The following ADAMTS9 variants were observed in gnomAD, a reference collection of about 807,000 sequenced individuals.
The protein encoded by ADAMTS9 is ADAM metallopeptidase with thrombospondin type 1 motif 9.
A neutral mutation model predicts 257.1 loss-of-function variants in ADAMTS9; 107 were observed. The observed-to-expected ratio is 0.42, with a 90% CI of 0.36 to 0.49. ADAMTS9 has a LOEUF of 0.49. ADAMTS9 is among the 20% of genes least tolerant of loss of function. The probability of loss-of-function intolerance (pLI) is 0.03; values close to 1 mark genes in which losing one functional copy is unlikely to be tolerated. For synonymous variants in ADAMTS9, 982 were observed against 880.9 expected, an observed-to-expected ratio of 1.11 and a Z score of -2.03; for missense variants, 2,353 against 2,469.1, an observed-to-expected ratio of 0.95 and a Z score of 1.00.
intron 2 of ADAMTS9, chr3:64,684,988 C>A (rs1211324636): frequency 6.6e-6 from 1 of 152,240 alleles, no homozygotes; most frequent in Non-Finnish European, 1.5e-5. Context: ...CTACCCGAGC[C>A]TTAACCTTTC....
chr3:64,656,263 C>T (rs977396386), intron 4 of ADAMTS9, among the ~76,000 whole-genome samples: 1 of 152,268 alleles, frequency 6.6e-6, no homozygotes, highest in Non-Finnish European at 1.5e-5. Context: ...TAATGTTTGC[C>T]ACCCATTGTG....
intron 2 of ADAMTS9, among the ~76,000 whole-genome samples, chr3:64,683,256 G>A (rs1032693588): frequency 2.6e-5 from 4 of 152,174 alleles, no homozygotes; most frequent in Admixed American, 6.5e-5. Context: ...ATTGGTAAAT[G>A]GGGAAACCAA....
At chr3:64,669,180 C>G (rs942790521) in intron 3 of ADAMTS9, among the ~76,000 whole-genome samples, 2 of 152,196 alleles carry the variant, frequency 1.3e-5, no homozygotes, top group Non-Finnish European at 2.9e-5. Context: ...TTGCTGTACA[C>G]TCAACTCTCG....
At chr3:64,522,488 T>C (rs1049556245) in intron 38 of ADAMTS9, 2 of 379,560 alleles carry the variant, frequency 5.3e-6, no homozygotes, top group Admixed American at 8.7e-5. Flanking sequence ...AGGATGATTT[T>C]TATATTTTTA....
At chr3:64,643,126 G>C (rs1700697396) in intron 11 of ADAMTS9, among the ~76,000 whole-genome samples, 1 of 152,150 alleles carries the variant, frequency 6.6e-6, no homozygotes, top group South Asian at 2.1e-4. Context: ...TCTGAACCCT[G>C]GGTGACTCAG....
chr3:64,563,810 C>T (rs1437073913), intron 29 of ADAMTS9, among the ~76,000 whole-genome samples: 3 of 152,192 alleles, frequency 2.0e-5, no homozygotes, highest in African/African-American at 7.2e-5. Context: ...AGGTACAAGC[C>T]TGCCTTTCTG....
At chr3:64,630,243 T>G (rs1392662835) in intron 16 of ADAMTS9, among the ~76,000 whole-genome samples, 1 of 152,110 alleles carries the variant, frequency 6.6e-6, no homozygotes, top group Non-Finnish European at 1.5e-5. Flanking sequence ...TCACAATCAC[T>G]TACAGCAATT....
intron 32 of ADAMTS9, among the ~76,000 whole-genome samples, chr3:64,545,630 G>A (rs1559756528): frequency 6.6e-6 from 1 of 152,048 alleles, no homozygotes; most frequent in Non-Finnish European, 1.5e-5. Flanking sequence ...CAGGGGGACG[G>A]ATAGCATTAG....
intron 25 of ADAMTS9, 88 bp downstream of exon 25, chr3:64,603,834 T>C: frequency 7.1e-7 from 1 of 1,412,040 alleles, no homozygotes; most frequent in Non-Finnish European, 9.8e-7. Flanking sequence ...CCCATTGACA[T>C]TTCCAAGTGG....
At position 64,516,856 on chromosome 3, in the gene ADAMTS9, G is replaced by C. The variant is rs192571010; in HGVS notation, c.*271C>G. 2.0e-5 allele frequency: 3 copies of C among 152,466 alleles called. No homozygotes were observed. Among genetic ancestry groups the C allele is most frequent in the African/African-American group, 4.8e-5 (2 of 41,388 alleles). 9.4% of individuals were successfully genotyped at this position (152,466 alleles called of 1,614,324 possible). A position where few individuals can be genotyped will look rare whatever the true frequency, so the allele number is the denominator to read the frequency against. On this transcript the variant is annotated 3_prime_UTR_variant, in exon 40 of 40. Coordinates refer to ENST00000498707, the MANE Select transcript of ADAMTS9 (RefSeq NM_182920.2). Reference sequence around the variant, plus strand: ...GGCAGTCATAATAGAATCATTTTACGTACAAAAATATTACATCACAATAAA... The same window carrying C: ...GGCAGTCATAATAGAATCATTTTACCTACAAAAATATTACATCACAATAAA...
chr3:64,556,369 G>T (rs539131131), intron 30 of ADAMTS9, among the ~76,000 whole-genome samples: 2 of 152,142 alleles, frequency 1.3e-5, no homozygotes, highest in African/African-American at 4.8e-5. Flanking sequence ...TGCCCAGGCC[G>T]TAGTGCAGTG....
At chr3:64,568,660 G>A (rs1205046607) in intron 28 of ADAMTS9, 125 bp from the exon 29 acceptor site, 31 of 1,149,970 alleles carry the variant, frequency 2.7e-5, no homozygotes, top group Admixed American at 2.0e-4. Context: ...CTTTTACAGC[G>A]CCAGTTTGGA....
At chr3:64,563,082 G>C (rs971356660) in intron 29 of ADAMTS9, 1 of 152,168 alleles carries the variant, frequency 6.6e-6, no homozygotes, top group African/African-American at 2.4e-5. Context: ...GATTGAATGA[G>C]TTTGTGACCC....
chr3:64,536,864 G>A (rs766993626), intron 37 of ADAMTS9, among the ~76,000 whole-genome samples: 16 of 152,124 alleles, frequency 1.1e-4, no homozygotes, highest in South Asian at 6.2e-4. Flanking sequence ...GAGGGCTGTC[G>A]GGGAATCCAC....
chr3:64,547,923 T>C (rs1033130513), intron 31 of ADAMTS9, among the ~76,000 whole-genome samples: 3 of 152,162 alleles, frequency 2.0e-5, no homozygotes, highest in African/African-American at 4.8e-5. Flanking sequence ...GTTTTGATGA[T>C]ATTTTTAGGC....
At chr3:64,634,614 A>G (rs1205105397) in intron 12 of ADAMTS9, among the ~76,000 whole-genome samples, 1 of 152,226 alleles carries the variant, frequency 6.6e-6, no homozygotes, top group Admixed American at 6.5e-5. Context: ...GATGTGATCC[A>G]GAGAGTAAAT....
At chr3:64,679,619 T>C (rs914765065) in intron 3 of ADAMTS9, among the ~76,000 whole-genome samples, 3 of 152,220 alleles carry the variant, frequency 2.0e-5, no homozygotes, top group African/African-American at 7.2e-5. Flanking sequence ...GGTCAATAAA[T>C]TCATCAGTGA....
At chr3:64,598,603 A>G (rs1349864629) in intron 26 of ADAMTS9, among the ~76,000 whole-genome samples, 1 of 152,154 alleles carries the variant, frequency 6.6e-6, no homozygotes, top group Non-Finnish European at 1.5e-5. Flanking sequence ...TACAGGGGTG[A>G]GCCACCATGC....
At chr3:64,623,357 G>C (rs1700152685) in intron 16 of ADAMTS9, among the ~76,000 whole-genome samples, 1 of 152,204 alleles carries the variant, frequency 6.6e-6, no homozygotes, top group Non-Finnish European at 1.5e-5. Context: ...AACCCACAGA[G>C]AGGCCTGCAA....
Sources: allele counts gnomAD v4.1 joint callset (sites outside exome capture counted in the v4.1 genomes callset), GRCh38; gene constraint gnomAD v4.1.1; transcripts MANE v1.5; gene names NCBI Gene and HGNC (gene_info 2026-07-23, HGNC 2026-07-21).